The following CLEC12A variants were observed in gnomAD, a reference collection of about 807,000 sequenced individuals.
CLEC12A encodes C-type lectin domain family 12 member A.
CLEC12A carries 22 observed loss-of-function variants against 26.5 expected under a neutral mutation model. The ratio of observed to expected loss-of-function variants is 0.83; its 90% CI spans 0.59 to 1.19. The LOEUF (loss-of-function observed/expected upper bound fraction) is 1.19. CLEC12A is among the 50% of genes most tolerant of loss of function. The probability of loss-of-function intolerance (pLI) is 0.00; values close to 1 mark genes in which losing one functional copy is unlikely to be tolerated. For synonymous variants in CLEC12A, 119 were observed against 101.9 expected (o/e 1.17, Z -1.01); for missense variants, 353 against 315.6 (o/e 1.12, Z -0.90).
downstream of CLEC12A, chr12:9,998,346 C>G: frequency 1.2e-6 from 2 of 1,614,000 alleles, no homozygotes; most frequent in South Asian, 2.2e-5. Context: ...GAATCAAAGC[C>G]ATCACACGCC....
At chr12:9,982,486 T>G (rs376272362) in intron 5 of CLEC12A, among the ~76,000 whole-genome samples, 1 of 152,214 alleles carries the variant, frequency 6.6e-6, no homozygotes, top group East Asian at 1.9e-4. Context: ...ATCATTAAAG[T>G]TACTTAACCA....
At chr12:9,968,763 C>T (rs1033895886), upstream of CLEC12A, among the ~76,000 whole-genome samples, 1 of 152,104 alleles carries the variant, frequency 6.6e-6, no homozygotes, top group African/African-American at 2.4e-5. Context: ...TGGAAGACAT[C>T]TGTAATTATA....
At chr12:9,983,597 A>T in intron 5 of CLEC12A, 2 of 671,840 alleles carry the variant, frequency 3.0e-6, no homozygotes, top group Non-Finnish European at 5.4e-6. Context: ...CCATCATTTA[A>T]CACGTTTTTA....
chr12:9,966,156 G>A (rs955192713), intron 1 of CLEC12A, among the ~76,000 whole-genome samples: 6 of 152,172 alleles, frequency 3.9e-5, no homozygotes, highest in African/African-American at 9.7e-5. Flanking sequence ...CTGGCCATCA[G>A]TACTTACAAC....
chr12:9,994,657 C>T (rs1460575215), intron 4 of CLEC12A, among the ~76,000 whole-genome samples: 1 of 151,918 alleles, frequency 6.6e-6, no homozygotes, highest in Non-Finnish European at 1.5e-5. Flanking sequence ...TACAATGTAT[C>T]GAATTCTTGG....
chr12:9,952,695 T>G (rs78359973), intron 1 of CLEC12A: 27,910 of 131,742 alleles, frequency 0.21, 3,109 homozygotes, highest in East Asian at 0.43. Context: ...GTGAGGAGCG[T>G]CTCCGCCCGG....
intron 1 of CLEC12A, among the ~76,000 whole-genome samples, chr12:9,978,722 T>C (rs1864435588): frequency 6.6e-6 from 1 of 152,234 alleles, no homozygotes; most frequent in South Asian, 2.1e-4. Context: ...TAAATCAGTC[T>C]ACCAGTTAAC....
intron 1 of CLEC12A, among the ~76,000 whole-genome samples, chr12:9,956,976 A>G (rs1042379188): frequency 1.5e-5 from 2 of 137,824 alleles, no homozygotes; most frequent in Non-Finnish European, 3.1e-5. Flanking sequence ...GGAAATAAAA[A>G]CTAATTTTTA....
downstream of CLEC12A, among the ~76,000 whole-genome samples, chr12:9,990,107 A>C (rs1228395385): frequency 2.6e-5 from 4 of 152,176 alleles, no homozygotes; most frequent in African/African-American, 9.7e-5. Context: ...AAGAGCTCTT[A>C]TAGACATGTA....
At chr12:9,979,168 G>A in intron 2 of CLEC12A, 104 bp downstream of exon 2, 3 of 1,053,270 alleles carry the variant, frequency 2.8e-6, no homozygotes, top group South Asian at 1.3e-5. Context: ...AATGATAGGT[G>A]ATAGGCCCAC....
chr12:9,984,542 A>T (rs1252295741), intron 5 of CLEC12A, among the ~76,000 whole-genome samples: 1 of 152,132 alleles, frequency 6.6e-6, no homozygotes, highest in African/African-American at 2.4e-5. Flanking sequence ...AGCCAGTTAG[A>T]CTAGGAGAAT....
chr12:9,972,457 C>A (rs1021329792), intron 1 of CLEC12A, among the ~76,000 whole-genome samples: 1 of 152,078 alleles, frequency 6.6e-6, no homozygotes, highest in African/African-American at 2.4e-5. Context: ...CCTTCTGGCT[C>A]CTAGCCTTTT....
chr12:9,970,842 G>A (rs553930002), upstream of CLEC12A, among the ~76,000 whole-genome samples: 2 of 152,080 alleles, frequency 1.3e-5, no homozygotes, highest in Admixed American at 6.5e-5. Flanking sequence ...ATAGGTTGGC[G>A]CTAAAGTAAT....
At chr12:9,957,532 G>A (rs905144554) in intron 1 of CLEC12A, among the ~76,000 whole-genome samples, 4 of 151,754 alleles carry the variant, frequency 2.6e-5, no homozygotes, top group African/African-American at 9.7e-5. Context: ...GGTGTGGGTA[G>A]ATAAGAGACA....
intron 1 of CLEC12A, among the ~76,000 whole-genome samples, chr12:9,959,768 A>G (rs1863800788): frequency 6.6e-6 from 1 of 152,140 alleles, no homozygotes; most frequent in African/African-American, 2.4e-5. Flanking sequence ...CTTACCTGGG[A>G]AAAGGTCTTG....
chr12:9,954,449 C>A (rs1863708954), intron 1 of CLEC12A, among the ~76,000 whole-genome samples: 1 of 151,960 alleles, frequency 6.6e-6, no homozygotes, highest in Non-Finnish European at 1.5e-5. Context: ...GAGCCTTGAT[C>A]ACACCACTGC....
At chr12:10,006,048 A>C in the CLEC12A span, among the ~76,000 whole-genome samples, 3 of 152,224 alleles carry the variant, frequency 2.0e-5, no homozygotes, top group Non-Finnish European at 4.4e-5. Context: ...CTTCTAAATC[A>C]ATAATACTTC....
exon 5 of CLEC12A, chr12:9,995,450 T>C (rs1865018933): frequency 3.8e-6 from 2 of 524,304 alleles, no homozygotes; most frequent in Admixed American, 5.7e-5. Flanking sequence ...ACAGGTAAAA[T>C]TGTACACAAA....
rs138258058 is a variant in CLEC12A, at chr12:9,979,056, C to T, written c.182C>T (p.Ala61Val). The change falls in exon 2 of 6, where the codon GCA becomes GTA. Residue 61 changes from alanine to valine, a missense_variant. By Grantham distance (64) the Ala-to-Val change is moderately conservative (BLOSUM62 0). Coordinates refer to ENST00000304361, the MANE Select transcript of CLEC12A (RefSeq NM_138337.6). Reference sequence around the variant, plus strand: ...TTGCTCATTGGATTGGGAGTCTTGGCAAGCATGTGTATGTACTGCCCCTGT... The same window carrying T: ...TTGCTCATTGGATTGGGAGTCTTGGTAAGCATGTGTATGTACTGCCCCTGT... ...LLLLIGLGVL[A>V]SMFHVTLKIE... 253 of 1,612,488 alleles carry T rather than the reference C, an allele frequency of 1.6e-4. 1 individual carries two copies. The African/African-American group carries it at 2.9e-3, about 18-fold the overall frequency.
Sources: gnomAD v4.1 joint callset for allele counts (sites outside exome capture counted in the v4.1 genomes callset) on GRCh38, gnomAD v4.1.1 for gene constraint, MANE v1.5 for transcripts, NCBI Gene and HGNC (gene_info 2026-07-23, HGNC 2026-07-21) for gene names.